Variants in PHLDB2 observed in about 807,000 individuals in gnomAD.
PHLDB2 encodes the protein pleckstrin homology-like domain family B member 2.
A neutral mutation model predicts 123.6 loss-of-function variants in PHLDB2; 71 were observed. The ratio of observed to expected loss-of-function variants is 0.57; its 90% confidence interval spans 0.47 to 0.70. The LOEUF is 0.70. Among genes scored for constraint, PHLDB2 ranks in the 30% least tolerant of loss-of-function variants. The probability of loss-of-function intolerance (pLI) is 0.00; values close to 1 mark genes in which losing one functional copy is unlikely to be tolerated. For synonymous variants in PHLDB2, 547 were observed against 541.6 expected (o/e 1.01, Z -0.14); for missense variants, 1,446 against 1,519.5 (o/e 0.95, Z 0.80).
intron 1 of PHLDB2, among the ~76,000 whole-genome samples, chr3:111,836,193 T>A (rs1421061905): frequency 6.6e-6 from 1 of 152,050 alleles, no homozygotes; most frequent in African/African-American, 2.4e-5. Context: ...AAGGACAAAA[T>A]GCAGAAAGAG....
intron 10 of PHLDB2, 25 bp downstream of exon 10, chr3:111,949,100 A>G (rs1451174758): frequency 6.2e-7 from 1 of 1,610,810 alleles, no homozygotes; most frequent in Admixed American, 1.7e-5. Flanking sequence ...CGTTTCATTC[A>G]TTCACTGCTT....
chr3:111,764,182 A>G (rs2060040253), intron 1 of PHLDB2, among the ~76,000 whole-genome samples: 2 of 152,220 alleles, frequency 1.3e-5, no homozygotes, highest in Admixed American at 1.3e-4. Context: ...ATAGGGCTAC[A>G]GGGAAGATCT....
Position 111,940,536 on chromosome 3 carries a change from A to G in PHLDB2, c.2288A>G (p.Glu763Gly). The G allele has an allele frequency of 6.3e-7, 1 of 1,587,998 alleles. No homozygotes were observed. Among genetic ancestry groups the G allele is most frequent in the African/African-American group, 1.3e-5 (1 of 74,128 alleles). Residue 763 changes from glutamate to glycine, a missense_variant and splice_region_variant, in exon 8 of 18, where the codon GAA (glutamate) becomes GGA (glycine). Physicochemically the swap from Glu to Gly is moderately conservative, Grantham distance 98 (BLOSUM62 -2). Transcript: ENST00000431670. The stretch of plus-strand genomic sequence containing the variant: ...CTATGATCATCTCTTTTCCTCCAGG[A>G]AAAAATTTCTGCATTGAAAAAGCAA... Reference protein sequence around the residue: ...EYQRNIVSRKEKISALKKQAN... With the variant: ...EYQRNIVSRKGKISALKKQAN...
intron 1 of PHLDB2, among the ~76,000 whole-genome samples, chr3:111,831,169 A>G (rs2063017438): frequency 6.6e-6 from 1 of 152,158 alleles, no homozygotes; most frequent in Non-Finnish European, 1.5e-5. Flanking sequence ...ATAAAAGAAA[A>G]TTGTAGATAG....
chr3:111,963,856 G>A (rs2071580754), intron 13 of PHLDB2, among the ~76,000 whole-genome samples: 1 of 152,062 alleles, frequency 6.6e-6, no homozygotes. Context: ...TCCAATTAAG[G>A]ATGCTTTATC....
At chr3:111,849,702 C>T (rs766593451) in intron 2 of PHLDB2, among the ~76,000 whole-genome samples, 7 of 152,106 alleles carry the variant, frequency 4.6e-5, no homozygotes, top group African/African-American at 7.2e-5. Context: ...TATTTTATAG[C>T]AGTGCAGTTC....
intron 1 of PHLDB2, among the ~76,000 whole-genome samples, chr3:111,830,969 GAA>G (rs371165945): frequency 1.6e-3 from 49 of 30,368 alleles, no homozygotes; most frequent in African/African-American, 8.6e-3. Flanking sequence ...AAGAAAGAAA[GAA>G]AGAAAGAAAG....
At chr3:111,963,003 G>A (rs192362546) in intron 13 of PHLDB2, among the ~76,000 whole-genome samples, 43 of 152,044 alleles carry the variant, frequency 2.8e-4, no homozygotes, top group Admixed American at 2.3e-3. Flanking sequence ...AACTTTGGAG[G>A]ATTTCTTACC....
At chr3:111,792,257 TGAAA>T (rs934933359) in intron 1 of PHLDB2, among the ~76,000 whole-genome samples, 2 of 152,250 alleles carry the variant, frequency 1.3e-5, no homozygotes, top group African/African-American at 4.8e-5. Flanking sequence ...CCCTCATTTC[TGAAA>T]GAATCATTTT....
intron 2 of PHLDB2, among the ~76,000 whole-genome samples, chr3:111,900,685 C>A (rs1056396959): frequency 1.3e-5 from 2 of 152,064 alleles, no homozygotes; most frequent in African/African-American, 4.8e-5. Context: ...GTAAGAATTA[C>A]CAGAATGTGA....
At chr3:111,903,628 G>T (rs1031230381) in intron 2 of PHLDB2, among the ~76,000 whole-genome samples, 1 of 152,304 alleles carries the variant, frequency 6.6e-6, no homozygotes, top group Non-Finnish European at 1.5e-5. Flanking sequence ...ATCAGTATTA[G>T]AGATGGTTCT....
At position 111,870,730 on chromosome 3, in the gene PHLDB2, G is replaced by A. The variant is rs191411749; in HGVS notation, c.-15+11154G>A. Among the ~76,000 whole-genome samples the A allele has an allele frequency of 7.9e-5, 12 of 152,198 alleles. No individual in the cohort carries two copies. The East Asian group carries it at 2.3e-3, about 29-fold the overall frequency. On this transcript the variant is annotated intron_variant, in intron 1 of 17. Transcript: ENST00000431670. ...CCCCACAGAATTCCTGTAAAGAATG[G>A]CACTGCTTCTGAAGGACTGCTCTAA...
At position 111,872,588 on chromosome 3, in the gene PHLDB2, C is replaced by G. The variant is rs181930115; in HGVS notation, c.-14-11476C>G. Among the ~76,000 whole-genome samples, 55 of 152,312 alleles carry G rather than the reference C, an allele frequency of 3.6e-4. No individual in the cohort carries two copies. In the East Asian group the frequency reaches 9.8e-3, roughly 27 times the overall value. On this transcript the variant is annotated intron_variant, in intron 1 of 17. Coordinates refer to ENST00000431670, the MANE Select transcript of PHLDB2 (RefSeq NM_001134438.2). ...ATTAAAACCAAACTCTTACTGTGTT[C>G]TTCATCCTCCTGCCTCTTCTCTCCT...
intron 1 of PHLDB2, among the ~76,000 whole-genome samples, chr3:111,766,443 CA>C (rs11391498): frequency 5.3e-3 from 599 of 112,388 alleles, no homozygotes; most frequent in Non-Finnish European, 7.1e-3. Flanking sequence ...GACTCTGTCT[CA>C]AAAAAAAAAA....
At chr3:111,752,100 TA>T (rs2059787549) in intron 1 of PHLDB2, among the ~76,000 whole-genome samples, 1 of 152,202 alleles carries the variant, frequency 6.6e-6, no homozygotes, top group Non-Finnish European at 1.5e-5. Flanking sequence ...ATATGGGGGA[TA>T]ATCTCACTGT....
At chr3:111,755,550 T>G (rs2059872112) in intron 1 of PHLDB2, among the ~76,000 whole-genome samples, 1 of 147,546 alleles carries the variant, frequency 6.8e-6, no homozygotes, top group Admixed American at 6.7e-5. Context: ...CTTTTCTTCT[T>G]TATTAGTCTT....
At chr3:111,806,589 A>G (rs985732222) in intron 1 of PHLDB2, among the ~76,000 whole-genome samples, 19 of 151,842 alleles carry the variant, frequency 1.3e-4, no homozygotes, top group Middle Eastern at 3.4e-3. Flanking sequence ...GGTTCAAGCA[A>G]TTCTCGTGCC....
intron 1 of PHLDB2, among the ~76,000 whole-genome samples, chr3:111,779,045 T>C (rs2060318891): frequency 6.6e-6 from 1 of 152,024 alleles, no homozygotes; most frequent in African/African-American, 2.4e-5. Flanking sequence ...CTGGAGGGTA[T>C]GTAAAACTCA....
At chr3:111,771,460 G>A (rs1199498531) in intron 1 of PHLDB2, among the ~76,000 whole-genome samples, 5 of 151,096 alleles carry the variant, frequency 3.3e-5, no homozygotes, top group Non-Finnish European at 5.9e-5. Context: ...AGTGATTCTC[G>A]TGCCTCAGCC....
Sources: gnomAD v4.1 joint callset for allele counts (sites outside exome capture counted in the v4.1 genomes callset) on GRCh38, gnomAD v4.1.1 for gene constraint, MANE v1.5 for transcripts, NCBI Gene and HGNC (gene_info 2026-07-23, HGNC 2026-07-21) for gene names.